MYCBP2: variants seen among roughly 807,000 people sequenced by gnomAD.
The protein encoded by MYCBP2 is E3 ubiquitin-protein ligase MYCBP2.
In MYCBP2, 120 loss-of-function variants were observed where a neutral mutation model predicts 525.3. The ratio of observed to expected loss-of-function variants is 0.23; its 90% CI spans 0.20 to 0.27. The LOEUF is 0.27. MYCBP2 is among the 10% of genes least tolerant of loss of function. The pLI, the probability that MYCBP2 is intolerant of heterozygous loss-of-function variation, is 1.00. For missense variants in MYCBP2, 4,149 were observed against 5,657.1 expected (o/e 0.73, Z 8.55); for synonymous variants, 1,894 against 1,955.8 (o/e 0.97, Z 0.83).
chr13:77,317,748 T>C (rs1219742048), intron 1 of MYCBP2, among the ~76,000 whole-genome samples: 2 of 151,906 alleles, frequency 1.3e-5, no homozygotes, highest in Non-Finnish European at 2.9e-5. Context: ...ACCATCCTGG[T>C]CCACATGGTG....
At chr13:77,204,250 C>T (rs1273721044) in intron 26 of MYCBP2, among the ~76,000 whole-genome samples, 5 of 152,150 alleles carry the variant, frequency 3.3e-5, no homozygotes, top group Non-Finnish European at 7.4e-5. Context: ...CATGAACAGA[C>T]ACTTCTCAAA....
Position 77,275,143 on chromosome 13 carries a change from C to G in MYCBP2, c.749-1475G>C, listed in dbSNP as rs371081406. On this transcript the variant is annotated intron_variant, in intron 4 of 82. Coordinates refer to ENST00000544440, the MANE Select transcript of MYCBP2 (RefSeq NM_015057.5). Reference sequence around the variant, plus strand: ...GCAAACATGACAAAGAATGTCTCTACCCTTTCAAAAAGGTTAAGAATCCAG... The same window carrying G: ...GCAAACATGACAAAGAATGTCTCTAGCCTTTCAAAAAGGTTAAGAATCCAG... Among the ~76,000 whole-genome samples the G allele has an allele frequency of 2.6e-5, 4 of 152,210 alleles. No individual in the cohort carries two copies. In the East Asian group the frequency reaches 5.8e-4, roughly 22 times the overall value.
In MYCBP2 at chr13:77,278,812, C is replaced by T. The variant is rs762213576; in HGVS notation, c.694G>A (p.Val232Met). Residue 232 changes from valine to methionine, a missense_variant, in exon 4 of 83, where the codon GTG becomes ATG. Around this residue, in one of 21 missense-constraint regions of MYCBP2, gnomAD observed 413 missense variants for 451.2 expected, o/e 0.92. Coordinates refer to ENST00000544440, the MANE Select transcript of MYCBP2 (RefSeq NM_015057.5). ...CLRSLQALLN[V>M]LQGQQPEGLQ... Reference sequence around the variant, plus strand: ...CCTTCTGGCTGCTGGCCCTGCAGCACGTTGAGCAGGGCTTGGAGACTCCTG... The same window carrying T: ...CCTTCTGGCTGCTGGCCCTGCAGCATGTTGAGCAGGGCTTGGAGACTCCTG... 4.4e-6 allele frequency: 7 copies of T among 1,596,568 alleles called. No individual in the cohort carries two copies. Among genetic ancestry groups the T allele is most frequent in the Admixed American group, 1.7e-5 (1 of 57,454 alleles).
intron 1 of MYCBP2, among the ~76,000 whole-genome samples, chr13:77,296,996 A>G (rs774533653): frequency 1.3e-5 from 2 of 152,212 alleles, no homozygotes; most frequent in Non-Finnish European, 2.9e-5. Context: ...GGATGTTTAC[A>G]AATGTCAGTG....
chr13:77,216,212 T>C (rs1182575736), intron 21 of MYCBP2, among the ~76,000 whole-genome samples: 1 of 151,950 alleles, frequency 6.6e-6, no homozygotes, highest in Non-Finnish European at 1.5e-5. Context: ...TAATTAAAGA[T>C]GATAATGAAG....
intron 18 of MYCBP2, among the ~76,000 whole-genome samples, chr13:77,228,239 T>C (rs1310946761): frequency 6.6e-6 from 1 of 152,044 alleles, no homozygotes; most frequent in Non-Finnish European, 1.5e-5. Flanking sequence ...GGCATGGTGG[T>C]TCACACCTGT....
At chr13:77,290,623 T>C (rs2077370043) in intron 2 of MYCBP2, among the ~76,000 whole-genome samples, 1 of 152,216 alleles carries the variant, frequency 6.6e-6, no homozygotes, top group South Asian at 2.1e-4. Context: ...GATTACATAC[T>C]GTACAATTTC....
intron 2 of MYCBP2, among the ~76,000 whole-genome samples, chr13:77,291,774 A>AG (rs2077505284): frequency 6.6e-6 from 1 of 152,222 alleles, no homozygotes; most frequent in Non-Finnish European, 1.5e-5. Context: ...TCTCAAAAAA[A>AG]AAAAAAAAGC....
intron 66 of MYCBP2, chr13:77,077,775 TC>T (rs1211083936): frequency 1.3e-5 from 2 of 158,550 alleles, no homozygotes; most frequent in African/African-American, 2.4e-5. Context: ...AGAAAAGGGT[TC>T]TTTTTTTGTG....
intron 46 of MYCBP2, among the ~76,000 whole-genome samples, chr13:77,152,227 G>T (rs1461254257): frequency 6.6e-6 from 1 of 152,088 alleles, no homozygotes; most frequent in Non-Finnish European, 1.5e-5. Context: ...CTTCAGGTGA[G>T]GTTACAAGAG....
chr13:77,209,376 A>G (rs931504875), intron 23 of MYCBP2, among the ~76,000 whole-genome samples: 2 of 152,188 alleles, frequency 1.3e-5, no homozygotes, highest in Non-Finnish European at 2.9e-5. Context: ...GCCAATTTTT[A>G]TTTTTGTTTT....
intron 5 of MYCBP2, among the ~76,000 whole-genome samples, chr13:77,271,785 T>C (rs2074933428): frequency 6.6e-6 from 1 of 152,184 alleles, no homozygotes; most frequent in Admixed American, 6.5e-5. Context: ...CTTTTGTAAA[T>C]TGCCCAGTCT....
chr13:77,206,822 A>G lies in MYCBP2; in HGVS notation c.3420T>C (p.Phe1140=). The G allele has an allele frequency of 6.3e-7, 1 of 1,586,844 alleles. No homozygotes were observed. The highest frequency in any genetic ancestry group is 2.2e-5 in the East Asian group (1 of 44,576). ...LDPVYDVIWR[F]RPNTRELWCY... is the part of the protein sequence containing the mutation. ...ACCACAGCTCTCTAGTATTTGGTCG[A>G]AACCTTTAAAGAAAAAGAATAATTA... The change falls in exon 24 of 83, where the codon TTT becomes TTC. Residue 1140 remains phenylalanine, a synonymous_variant. Transcript: ENST00000544440.
chr13:77,140,259 G>T lies in MYCBP2; in HGVS notation c.7402-96C>A, dbSNP rs1255771074. The T allele has an allele frequency of 7.2e-6, 5 of 695,350 alleles. No homozygotes were observed. In the Admixed American group the frequency reaches 1.6e-4, roughly 22 times the overall value. 43.1% of individuals were successfully genotyped at this position (695,350 alleles called of 1,614,324 possible). Reference sequence around the variant, plus strand: ...AAAATTAAGCAGGTTTGAAAGTATCGTAATTCTTAATAAGGTTCCAGAATT... The same window carrying T: ...AAAATTAAGCAGGTTTGAAAGTATCTTAATTCTTAATAAGGTTCCAGAATT... On this transcript the variant is annotated intron_variant, in intron 50 of 82. Transcript: ENST00000544440.
At chr13:77,243,236 T>C (rs1225554314) in intron 16 of MYCBP2, 76 bp from the exon 17 acceptor site, 3 of 1,135,084 alleles carry the variant, frequency 2.6e-6, no homozygotes, top group African/African-American at 3.1e-5. Context: ...TACATAAAAT[T>C]CAAGAAAGTA....
At chr13:77,320,665 G>A (rs1430476804) in intron 1 of MYCBP2, among the ~76,000 whole-genome samples, 1 of 151,882 alleles carries the variant, frequency 6.6e-6, no homozygotes, top group Non-Finnish European at 1.5e-5. Flanking sequence ...AAATCTAGTA[G>A]GTACCGTCTT....
intron 3 of MYCBP2, among the ~76,000 whole-genome samples, chr13:77,285,087 G>A (rs1316254470): frequency 6.6e-6 from 1 of 152,054 alleles, no homozygotes; most frequent in East Asian, 1.9e-4. Flanking sequence ...TGCTGCAAAA[G>A]GTTATCTTAA....
chr13:77,124,227 G>A (rs2051259793), intron 54 of MYCBP2, among the ~76,000 whole-genome samples: 1 of 152,100 alleles, frequency 6.6e-6, no homozygotes, highest in African/African-American at 2.4e-5. Flanking sequence ...TAGAGCTTGA[G>A]TTTCCTACCT....
At position 77,081,118 on chromosome 13, in the gene MYCBP2, A is replaced by C. The variant is rs1319926664; in HGVS notation, c.11418+309T>G. ...TTGATCAGCAGAGTTTAAGGGGAGG[A>C]CTTCCAGGTCACGGGAAAATCTTAA... is the stretch of plus-strand genomic sequence containing the variant. On this transcript the variant is annotated intron_variant, in intron 65 of 82. Transcript: ENST00000544440. The surrounding 1 kb of genome is among the most constrained non-coding windows in gnomAD (Gnocchi z 4.6). 3.6e-6 allele frequency: 1 copy of C among 275,996 alleles called. No homozygotes were observed. The highest frequency in any genetic ancestry group is 6.8e-6 in the Non-Finnish European group (1 of 147,790). 17.1% of individuals were successfully genotyped at this position (275,996 alleles called of 1,614,324 possible).
Sources: allele counts gnomAD v4.1 joint callset (sites outside exome capture counted in the v4.1 genomes callset), GRCh38; gene constraint gnomAD v4.1.1; regional missense constraint gnomAD v4.1.1; non-coding constraint Gnocchi (gnomAD v3.1); transcripts MANE v1.5; gene names NCBI Gene and HGNC (gene_info 2026-07-23, HGNC 2026-07-21).